Variants in OCLN observed in about 807,000 individuals in gnomAD.
The protein encoded by OCLN is occludin.
OCLN carries 21 observed loss-of-function variants against 47.9 expected under a neutral mutation model. The ratio of observed to expected loss-of-function variants is 0.44; its 90% CI spans 0.31 to 0.63. The LOEUF (loss-of-function observed/expected upper bound fraction) is 0.63. OCLN is among the 30% of genes least tolerant of loss of function. OCLN has a pLI of 0.08. For synonymous variants in OCLN, 117 were observed against 198.4 expected (o/e 0.59, Z 3.45); for missense variants, 360 against 571.0 (o/e 0.63, Z 3.77).
chr5:69,535,717 T>G (rs1168115711), intron 5 of OCLN, among the ~76,000 whole-genome samples: 4 of 141,594 alleles, frequency 2.8e-5, no homozygotes, highest in Admixed American at 7.2e-5. Context: ...CTTCTTGCTT[T>G]TACGCTACAA....
At chr5:69,538,009 CTTT>C (rs200271483) in intron 5 of OCLN, among the ~76,000 whole-genome samples, 9 of 54,998 alleles carry the variant, frequency 1.6e-4, no homozygotes, top group Admixed American at 6.7e-4. Context: ...TGTTTCAACT[CTTT>C]TTTTTTTTTA....
rs60505522 is a variant in OCLN, at chr5:69,522,894, C to CTTTTTTTTTTTTTTT, written c.891+8797_891+8798insTTTTTTTTTTTTTTT. On this transcript the variant is annotated intron_variant, in intron 4 of 8. Coordinates refer to ENST00000396442, the MANE Select transcript of OCLN (RefSeq NM_001205254.2). ...GACATGTGCCGCTATGCCTGGCTGACTTTTTTTTTTTTAAAGTAGAGACAG... is the reference window on the plus strand; with the variant it reads ...GACATGTGCCGCTATGCCTGGCTGACTTTTTTTTTTTTTTTTTTTTTTTTTTTAAAGTAGAGACAG... Among the ~76,000 whole-genome samples the CTTTTTTTTTTTTTTT allele has an allele frequency of 3.3e-4, 38 of 116,862 alleles. 2 individuals are homozygous for CTTTTTTTTTTTTTTT. The highest frequency in any genetic ancestry group is 9.2e-4 in the African/African-American group (27 of 29,410). The allele number at this position is 116,862 out of a possible 152,430, so 76.7% of individuals were successfully genotyped here.
At chr5:69,535,219 C>A in intron 5 of OCLN, among the ~76,000 whole-genome samples, 1 of 141,182 alleles carries the variant, frequency 7.1e-6, no homozygotes, top group Non-Finnish European at 1.5e-5. Context: ...TCTCCTTTTG[C>A]CTATAATTGT....
chr5:69,524,095 C>T (rs1303555462), intron 4 of OCLN, among the ~76,000 whole-genome samples: 1 of 152,126 alleles, frequency 6.6e-6, no homozygotes, highest in Non-Finnish European at 1.5e-5. Context: ...TTGCAGTGAG[C>T]CGAGATGTGC....
chr5:69,522,894 C>CT (rs60505522), intron 4 of OCLN, among the ~76,000 whole-genome samples: 9 of 116,872 alleles, frequency 7.7e-5, no homozygotes, highest in South Asian at 2.9e-4. Context: ...GCCTGGCTGA[C>CT]TTTTTTTTTT....
intron 3 of OCLN, among the ~76,000 whole-genome samples, chr5:69,511,590 A>T (rs28404493): frequency 0.87 from 132,282 of 151,932 alleles, 57,778 homozygotes; most frequent in African/African-American, 0.91. Context: ...TTTTTAAAAA[A>T]TTTTTTGTAG....
intron 1 of OCLN, among the ~76,000 whole-genome samples, chr5:69,499,534 C>T (rs1768395718): frequency 6.6e-6 from 1 of 152,068 alleles, no homozygotes; most frequent in Admixed American, 6.6e-5. Flanking sequence ...GGATAACCAC[C>T]TTATGATGAA....
At chr5:69,521,388 G>A (rs1007192683) in intron 4 of OCLN, among the ~76,000 whole-genome samples, 32 of 152,290 alleles carry the variant, frequency 2.1e-4, no homozygotes, top group Admixed American at 2.0e-3. Flanking sequence ...ACGCTGCAGT[G>A]AACATTCTCT....
chr5:69,538,387 C>T (rs1283989699), intron 5 of OCLN, among the ~76,000 whole-genome samples: 8 of 152,174 alleles, frequency 5.3e-5, no homozygotes, highest in African/African-American at 1.7e-4. Flanking sequence ...TTCACTGCAA[C>T]CTCCGTCTCC....
In OCLN at chr5:69,529,013, C is replaced by T. The variant is rs1769358312; in HGVS notation, c.892-5681C>T. On this transcript the variant is annotated intron_variant, in intron 4 of 8. Coordinates refer to ENST00000396442, the MANE Select transcript of OCLN (RefSeq NM_001205254.2). ...ACTCCAAATGAAATATGAAATTGAT[C>T]TAAGTGGGGATAAGTGTTTTCCCCG... Among the ~76,000 whole-genome samples, 2 of 152,204 alleles carry T rather than the reference C, an allele frequency of 1.3e-5. 1 individual carries two copies. The highest frequency in any genetic ancestry group is 4.1e-4 in the South Asian group (2 of 4,830).
At chr5:69,515,283 G>C (rs1178813339) in intron 4 of OCLN, among the ~76,000 whole-genome samples, 3 of 141,222 alleles carry the variant, frequency 2.1e-5, no homozygotes, top group Non-Finnish European at 3.1e-5. Flanking sequence ...GCGGGGGGCT[G>C]ACCCCCCCAC....
At chr5:69,513,881 T>C in intron 3 of OCLN, 67 bp from the exon 4 acceptor site, 1 of 1,320,574 alleles carries the variant, frequency 7.6e-7, no homozygotes. Flanking sequence ...TTTAATAATA[T>C]GTAGAGGGTG....
chr5:69,508,935 A>C (rs564507232), intron 2 of OCLN, among the ~76,000 whole-genome samples: 1 of 152,324 alleles, frequency 6.6e-6, no homozygotes, highest in Admixed American at 6.5e-5. Flanking sequence ...ATACCCCCAA[A>C]CAGAGATAAC....
chr5:69,506,857 G>A (rs1309775208), intron 2 of OCLN, among the ~76,000 whole-genome samples: 3 of 152,150 alleles, frequency 2.0e-5, no homozygotes, highest in Non-Finnish European at 4.4e-5. Context: ...ATTGAGTAAT[G>A]CACCACTAAT....
At chr5:69,494,129 G>A (rs1322353392) in intron 1 of OCLN, among the ~76,000 whole-genome samples, 1 of 152,200 alleles carries the variant, frequency 6.6e-6, no homozygotes, top group Non-Finnish European at 1.5e-5. Context: ...AAAACTAGGC[G>A]TTCCCAAGTG....
chr5:69,523,365 A>G (rs1769194153), intron 4 of OCLN, among the ~76,000 whole-genome samples: 1 of 152,112 alleles, frequency 6.6e-6, no homozygotes, highest in African/African-American at 2.4e-5. Flanking sequence ...ATATTTTTAG[A>G]GAATAGACAA....
rs892528587 is a variant in OCLN, at chr5:69,554,487, T to G, written c.*816T>G. The G allele has an allele frequency of 2.6e-5, 4 of 152,036 alleles. No homozygotes were observed. Among genetic ancestry groups the G allele is most frequent in the African/African-American group, 9.7e-5 (4 of 41,392 alleles). 9.4% of individuals were successfully genotyped at this position (152,036 alleles called of 1,614,324 possible). A position where few individuals can be genotyped will look rare whatever the true frequency, so the allele number is the denominator to read the frequency against. On this transcript the variant is annotated 3_prime_UTR_variant, in exon 9 of 9. Coordinates refer to ENST00000396442, the MANE Select transcript of OCLN (RefSeq NM_001205254.2). ...TATCTGATTACATTTATAATTCAATTGTGACTTGAACTGTATCTTACAGGA... is the reference window on the plus strand; with the variant it reads ...TATCTGATTACATTTATAATTCAATGGTGACTTGAACTGTATCTTACAGGA...
chr5:69,516,340 T>TGAGG (rs1375910276), intron 4 of OCLN, among the ~76,000 whole-genome samples: 1 of 152,012 alleles, frequency 6.6e-6, no homozygotes, highest in Non-Finnish European at 1.5e-5. Flanking sequence ...ACCAAAAAAA[T>TGAGG]AAGAAAACCA....
intron 4 of OCLN, among the ~76,000 whole-genome samples, chr5:69,519,336 C>G (rs1769068109): frequency 6.6e-6 from 1 of 152,196 alleles, no homozygotes; most frequent in African/African-American, 2.4e-5. Context: ...TAGTCAAAAG[C>G]TGTGCCTTCA....
Sources: allele counts gnomAD v4.1 joint callset (sites outside exome capture counted in the v4.1 genomes callset), GRCh38; gene constraint gnomAD v4.1.1; transcripts MANE v1.5; gene names NCBI Gene and HGNC (gene_info 2026-07-23, HGNC 2026-07-21).